FHIT: variants seen among roughly 807,000 people sequenced by gnomAD.
FHIT encodes fragile histidine triad diadenosine triphosphatase, also known as bis(5'-adenosyl)-triphosphatase.
Under a neutral mutation model 17.9 loss-of-function variants are expected in FHIT, and 19 were observed. That is an observed-to-expected ratio of 1.06 (90% CI 0.74 to 1.56). FHIT has a LOEUF of 1.56. Among genes scored for constraint, FHIT ranks in the 40% most tolerant of loss-of-function variants. The probability of loss-of-function intolerance (pLI) is 0.00; values close to 1 mark genes in which losing one functional copy is unlikely to be tolerated. For missense variants in FHIT, 248 were observed against 189.2 expected (o/e 1.31, Z -1.82); for synonymous variants, 81 against 69.7 (o/e 1.16, Z -0.81).
intron 5 of FHIT, among the ~76,000 whole-genome samples, chr3:60,220,250 G>T (rs1703901389): frequency 6.6e-6 from 1 of 152,028 alleles, no homozygotes; most frequent in Non-Finnish European, 1.5e-5. Context: ...AAAAATTCAG[G>T]TGTCAAAAAT....
chr3:60,413,745 T>A (rs974864511), intron 5 of FHIT, among the ~76,000 whole-genome samples: 1 of 152,108 alleles, frequency 6.6e-6, no homozygotes, highest in Non-Finnish European at 1.5e-5. Flanking sequence ...AGTATGTAGT[T>A]GTCCATGTCA....
chr3:60,943,580 G>A (rs1009032994), intron 3 of FHIT, among the ~76,000 whole-genome samples: 6 of 152,100 alleles, frequency 3.9e-5, no homozygotes, highest in Admixed American at 1.3e-4. Context: ...TTTGCCTGCA[G>A]ACAGATAGGT....
chr3:60,878,759 A>C (rs1223634005), intron 3 of FHIT, among the ~76,000 whole-genome samples: 2 of 151,900 alleles, frequency 1.3e-5, no homozygotes, highest in African/African-American at 4.8e-5. Context: ...TTGTCCTTGC[A>C]ATAATTTGCT....
At chr3:60,173,446 T>C (rs62238479) in intron 5 of FHIT, among the ~76,000 whole-genome samples, 41,328 of 152,032 alleles carry the variant, frequency 0.27, 6,664 homozygotes, top group Middle Eastern at 0.37. Context: ...TTTAGTGGCT[T>C]ATAACCAAGG....
intron 5 of FHIT, among the ~76,000 whole-genome samples, chr3:60,123,617 T>A (rs1478606667): frequency 6.6e-6 from 1 of 151,910 alleles, no homozygotes; most frequent in Non-Finnish European, 1.5e-5. Flanking sequence ...CAACACAGAG[T>A]CTTTTGAATT....
At chr3:60,603,743 A>G (rs1439637016) in intron 4 of FHIT, among the ~76,000 whole-genome samples, 1 of 152,120 alleles carries the variant, frequency 6.6e-6, no homozygotes. Flanking sequence ...ATCCACCCTC[A>G]TTGCAAAGTA....
intron 5 of FHIT, among the ~76,000 whole-genome samples, chr3:60,360,869 T>C (rs550912260): frequency 6.6e-6 from 1 of 152,310 alleles, no homozygotes; most frequent in South Asian, 2.1e-4. Context: ...GCTCAAGTTA[T>C]ATCCCTCCAA....
intron 4 of FHIT, among the ~76,000 whole-genome samples, chr3:60,788,415 T>A (rs1279945744): frequency 6.6e-6 from 1 of 152,308 alleles, no homozygotes; most frequent in Middle Eastern, 3.4e-3. Context: ...CAATTTCCTA[T>A]GAAAAATCAG....
chr3:60,935,122 A>G (rs1449254561), intron 3 of FHIT, among the ~76,000 whole-genome samples: 1 of 152,232 alleles, frequency 6.6e-6, no homozygotes, highest in African/African-American at 2.4e-5. Context: ...TGTGAAGAAA[A>G]TTTACAAAAA....
At chr3:59,824,704 G>C (rs1019908655) in intron 8 of FHIT, among the ~76,000 whole-genome samples, 1 of 152,216 alleles carries the variant, frequency 6.6e-6, no homozygotes, top group African/African-American at 2.4e-5. Context: ...CCCACCTTCT[G>C]TTAGGAAGAT....
chr3:60,746,172 G>A (rs534883694), intron 4 of FHIT, among the ~76,000 whole-genome samples: 17 of 152,206 alleles, frequency 1.1e-4, no homozygotes, highest in Admixed American at 2.6e-4. Context: ...CTTTGTTATC[G>A]CTTGAAGCTG....
intron 5 of FHIT, among the ~76,000 whole-genome samples, chr3:60,474,465 T>C (rs760529437): frequency 2.0e-5 from 3 of 152,116 alleles, no homozygotes; most frequent in African/African-American, 4.8e-5. Flanking sequence ...AATTGATGAG[T>C]AGTTTTGGAG....
At chr3:61,090,024 T>C (rs1483608662) in intron 2 of FHIT, among the ~76,000 whole-genome samples, 1 of 152,242 alleles carries the variant, frequency 6.6e-6, no homozygotes, top group East Asian at 1.9e-4. Flanking sequence ...GAAGTTTTCA[T>C]TCACTCGTGG....
In FHIT at chr3:59,882,714, C is replaced by T. The variant is rs189639089; in HGVS notation, c.348+39632G>A. Among the ~76,000 whole-genome samples, 126 of 152,164 alleles carry T rather than the reference C, an allele frequency of 8.3e-4. 1 individual carries two copies. Among genetic ancestry groups the T allele is most frequent in the African/African-American group, 2.5e-3 (102 of 41,528 alleles). On this transcript the variant is annotated intron_variant, in intron 8 of 9. Transcript: ENST00000492590. ...ACACTGTGAGGAAGAAGACAGATGCCCTGGCAAATGGTGCTGCTCCCAAAA... is the reference window on the plus strand; with the variant it reads ...ACACTGTGAGGAAGAAGACAGATGCTCTGGCAAATGGTGCTGCTCCCAAAA...
At chr3:60,583,943 C>A (rs1348318512) in intron 4 of FHIT, among the ~76,000 whole-genome samples, 1 of 152,102 alleles carries the variant, frequency 6.6e-6, no homozygotes. Flanking sequence ...AAATATTCTT[C>A]TTGGGGAAAT....
chr3:60,659,967 GT>G (rs1577038693), intron 4 of FHIT, among the ~76,000 whole-genome samples: 2 of 152,108 alleles, frequency 1.3e-5, no homozygotes, highest in East Asian at 3.9e-4. Flanking sequence ...GGTTGTCTCT[GT>G]GCTGAGGATA....
intron 4 of FHIT, among the ~76,000 whole-genome samples, chr3:60,621,115 T>C (rs1369901854): frequency 6.6e-6 from 1 of 151,802 alleles, no homozygotes; most frequent in Non-Finnish European, 1.5e-5. Flanking sequence ...TCCTCACAGT[T>C]TGGTATTTAT....
At chr3:59,766,766 T>C (rs1458399392) in intron 8 of FHIT, among the ~76,000 whole-genome samples, 1 of 152,194 alleles carries the variant, frequency 6.6e-6, no homozygotes, top group East Asian at 1.9e-4. Context: ...CATTGGGGAA[T>C]GAAACAGCAC....
At chr3:59,941,359 A>G (rs1430398791) in intron 7 of FHIT, among the ~76,000 whole-genome samples, 1 of 152,182 alleles carries the variant, frequency 6.6e-6, no homozygotes, top group Non-Finnish European at 1.5e-5. Context: ...TACAGTTGGA[A>G]TATAAATGCC....
Sources: gnomAD v4.1 joint callset for allele counts (sites outside exome capture counted in the v4.1 genomes callset) on GRCh38, gnomAD v4.1.1 for gene constraint, MANE v1.5 for transcripts, NCBI Gene and HGNC (gene_info 2026-07-23, HGNC 2026-07-21) for gene names.